Variants in ERBB4 observed in about 807,000 individuals in gnomAD.
ERBB4 encodes the protein erb-b2 receptor tyrosine kinase 4.
Under a neutral mutation model 158.0 loss-of-function variants are expected in ERBB4, and 42 were observed. The observed-to-expected ratio is 0.27, with a 90% CI of 0.21 to 0.34. The LOEUF (loss-of-function observed/expected upper bound fraction) is 0.34, where lower values mean the gene tolerates loss of function less well. Ranked by LOEUF, ERBB4 falls within the 10% of genes least tolerant of loss-of-function variation. ERBB4 has a pLI of 1.00. For synonymous variants in ERBB4, 583 were observed against 558.7 expected (o/e 1.04, Z -0.61); for missense variants, 1,333 against 1,624.1 (o/e 0.82, Z 3.08).
At chr2:212,492,391 T>C (rs983441920) in intron 1 of ERBB4, among the ~76,000 whole-genome samples, 4 of 149,956 alleles carry the variant, frequency 2.7e-5, no homozygotes, top group Admixed American at 2.0e-4. Flanking sequence ...GTCATTAATC[T>C]AAAATAAATT....
intron 3 of ERBB4, among the ~76,000 whole-genome samples, chr2:211,840,996 C>A (rs2077457609): frequency 6.6e-6 from 1 of 151,822 alleles, no homozygotes. Context: ...ATGGCATATA[C>A]CAATATGTGC....
intron 17 of ERBB4, 45 bp from the exon 18 acceptor site, chr2:211,624,089 A>T (rs2069741372): frequency 1.2e-6 from 2 of 1,612,118 alleles, no homozygotes; most frequent in Non-Finnish European, 1.7e-6. Flanking sequence ...TCCGATAGTC[A>T]GTCCTCTCTC....
intron 5 of ERBB4, among the ~76,000 whole-genome samples, chr2:211,745,762 T>A (rs2074954517): frequency 6.8e-6 from 1 of 146,456 alleles, no homozygotes; most frequent in South Asian, 2.3e-4. Flanking sequence ...TAAGTATACT[T>A]ATCTCCATTT....
At chr2:211,513,357 C>CAAAAAAAAAAAAAAAA (rs61042785) in intron 20 of ERBB4, among the ~76,000 whole-genome samples, 4 of 39,202 alleles carry the variant, frequency 1.0e-4, no homozygotes, top group African/African-American at 2.6e-4. Flanking sequence ...GACTCCGTCT[C>CAAAAAAAAAAAAAAAA]AAAAAAAAAA....
intron 1 of ERBB4, among the ~76,000 whole-genome samples, chr2:212,164,001 A>C (rs1009896493): frequency 6.6e-6 from 1 of 151,888 alleles, no homozygotes; most frequent in Non-Finnish European, 1.5e-5. Flanking sequence ...GGGTCACCCT[A>C]TGTTGCCCAG....
chr2:211,424,061 T>C (rs1022213754), intron 23 of ERBB4, 94 bp downstream of exon 23: 1 of 1,285,040 alleles, frequency 7.8e-7, no homozygotes, highest in Admixed American at 1.7e-5. Context: ...ACTGTCGTAT[T>C]TTTCAATACA....
intron 1 of ERBB4, among the ~76,000 whole-genome samples, chr2:212,210,146 G>T (rs1277188085): frequency 6.7e-6 from 1 of 149,746 alleles, no homozygotes; most frequent in Non-Finnish European, 1.5e-5. Flanking sequence ...ATAAAGTGAT[G>T]AGAGATAAAA....
At chr2:211,839,517 T>C (rs1393115177) in intron 3 of ERBB4, among the ~76,000 whole-genome samples, 1 of 152,080 alleles carries the variant, frequency 6.6e-6, no homozygotes, top group African/African-American at 2.4e-5. Flanking sequence ...CTCAGGTGCA[T>C]GTAACTATTT....
At chr2:212,398,450 C>G (rs2091093989) in intron 1 of ERBB4, among the ~76,000 whole-genome samples, 1 of 152,034 alleles carries the variant, frequency 6.6e-6, no homozygotes, top group South Asian at 2.1e-4. Context: ...TATGGCTATA[C>G]AAGATCAATA....
chr2:211,463,585 A>G (rs2064594729), intron 20 of ERBB4, among the ~76,000 whole-genome samples: 1 of 152,166 alleles, frequency 6.6e-6, no homozygotes, highest in African/African-American at 2.4e-5. Flanking sequence ...GTACTTCACA[A>G]AGTTTAGTGG....
chr2:211,951,673 C>T (rs1024188426), intron 2 of ERBB4, among the ~76,000 whole-genome samples: 4 of 152,036 alleles, frequency 2.6e-5, no homozygotes, highest in Non-Finnish European at 4.4e-5. Flanking sequence ...ATAGCTACTC[C>T]CTTGTAAAGA....
intron 3 of ERBB4, among the ~76,000 whole-genome samples, chr2:211,789,778 A>T (rs952569887): frequency 2.0e-5 from 3 of 152,202 alleles, no homozygotes; most frequent in Non-Finnish European, 4.4e-5. Flanking sequence ...TGTAGGAGTC[A>T]TCTTCAACTG....
intron 3 of ERBB4, among the ~76,000 whole-genome samples, chr2:211,860,524 A>AC (rs1324474515): frequency 6.6e-6 from 1 of 152,078 alleles, no homozygotes; most frequent in Non-Finnish European, 1.5e-5. Flanking sequence ...ATTGTACACT[A>AC]CTCATTTAAG....
intron 1 of ERBB4, among the ~76,000 whole-genome samples, chr2:212,527,703 TTTA>T (rs1692525028): frequency 6.6e-6 from 1 of 151,630 alleles, no homozygotes; most frequent in African/African-American, 2.4e-5. Context: ...TATTTATTTA[TTTA>T]TTTATTTATT....
In ERBB4 at chr2:211,861,172, T is replaced by TTTTTC. The variant is rs773863156; in HGVS notation, c.422-73014_422-73013insGAAAA. 3.0e-3 allele frequency among the ~76,000 whole-genome samples: 117 copies of TTTTTC among 38,710 alleles called. 1 individual carries two copies. Among genetic ancestry groups the TTTTTC allele is most frequent in the South Asian group, 5.7e-3 (7 of 1,230 alleles). The allele number at this position is 38,710 out of a possible 152,430, so 25.4% of individuals were successfully genotyped here. ...TATATATATTAAAAAAAAGTAGTTT[T>TTTTTC]TTTTTTTTTTGAGACAGAGTCTCAC... is the stretch of plus-strand genomic sequence containing the variant. On this transcript the variant is annotated intron_variant, in intron 3 of 27. Transcript: ENST00000342788.
chr2:212,214,999 A>C (rs1559763061), intron 1 of ERBB4, among the ~76,000 whole-genome samples: 1 of 151,620 alleles, frequency 6.6e-6, no homozygotes, highest in Non-Finnish European at 1.5e-5. Context: ...AAAAATGCAT[A>C]CTTTATGAAT....
chr2:212,495,099 T>A (rs1273031623), intron 1 of ERBB4, among the ~76,000 whole-genome samples: 4 of 152,178 alleles, frequency 2.6e-5, no homozygotes, highest in African/African-American at 9.6e-5. Flanking sequence ...CGACCTCAAC[T>A]ACCTTTCAAG....
intron 1 of ERBB4, among the ~76,000 whole-genome samples, chr2:212,499,162 G>A (rs1225937644): frequency 2.6e-5 from 4 of 151,930 alleles, no homozygotes; most frequent in Admixed American, 6.6e-5. Context: ...TGTTGAAACC[G>A]CATTAAATGC....
chr2:211,503,163 G>A, intron 20 of ERBB4, among the ~76,000 whole-genome samples: 1 of 152,056 alleles, frequency 6.6e-6, no homozygotes. Context: ...GCAGACCTTT[G>A]GGCCTAGAGA....
Sources: gnomAD v4.1 joint callset for allele counts (sites outside exome capture counted in the v4.1 genomes callset) on GRCh38, gnomAD v4.1.1 for gene constraint, MANE v1.5 for transcripts, NCBI Gene and HGNC (gene_info 2026-07-23, HGNC 2026-07-21) for gene names.